The following PSMF1 variants were observed in gnomAD, a reference collection of about 807,000 sequenced individuals.
PSMF1 encodes proteasome inhibitor subunit 1.
A neutral mutation model predicts 29.3 loss-of-function variants in PSMF1; 30 were observed. The observed-to-expected ratio is 1.02, with a 90% CI of 0.77 to 1.39. PSMF1 has a LOEUF of 1.39. Ranked by LOEUF, PSMF1 falls within the 40% of genes most tolerant of loss-of-function variation. PSMF1 has a pLI of 0.00. For synonymous variants in PSMF1, 134 were observed against 139.7 expected (o/e 0.96, Z 0.29); for missense variants, 344 against 357.5 (o/e 0.96, Z 0.31).
chr20:1,143,804 A>G (rs2086413767), intron 4 of PSMF1, among the ~76,000 whole-genome samples: 1 of 152,130 alleles, frequency 6.6e-6, no homozygotes, highest in Non-Finnish European at 1.5e-5. Flanking sequence ...AAATGGAAAA[A>G]TGAAGGCCAG....
In PSMF1 at chr20:1,165,950, G is replaced by A. The variant is rs1289747359; in HGVS notation, c.*870G>A. The A allele has an allele frequency of 1.5e-6, 2 of 1,361,418 alleles. No homozygotes were observed. Among genetic ancestry groups the A allele is most frequent in the Non-Finnish European group, 1.9e-6 (2 of 1,054,140 alleles). The allele number at this position is 1,361,418 out of a possible 1,614,324, so 84.3% of individuals were successfully genotyped here. ...GTGCCAAGCCTATGAAATTGGAGGT[G>A]GCTTTCCTGCTCTAAAGCATTTTGA... On this transcript the variant is annotated 3_prime_UTR_variant, in exon 7 of 7. Transcript: ENST00000335877.
chr20:1,142,419 C>T (rs1048023895), intron 4 of PSMF1, among the ~76,000 whole-genome samples: 6 of 150,782 alleles, frequency 4.0e-5, no homozygotes, highest in Non-Finnish European at 7.4e-5. Context: ...ATCCCTCCCT[C>T]CTCCCCCCAC....
chr20:1,122,815 C>T (rs1354649163), intron 1 of PSMF1, among the ~76,000 whole-genome samples: 1 of 152,230 alleles, frequency 6.6e-6, no homozygotes, highest in Non-Finnish European at 1.5e-5. Context: ...CACCTGACTT[C>T]AGGGATTTTC....
chr20:1,163,295 G>A lies in PSMF1; in HGVS notation c.605+112G>A. ...GTCAGTCTCTTCCTTTGGGGTGGAG[G>A]AGGCAGTTGTTGCTGAGCAGCTGAG... On this transcript the variant is annotated intron_variant, in intron 5 of 6. Transcript: ENST00000335877. The surrounding 1 kb of genome is among the most constrained non-coding windows in gnomAD (Gnocchi z 6.1). The A allele has an allele frequency of 1.6e-6, 2 of 1,244,178 alleles. No homozygotes were observed. The highest frequency in any genetic ancestry group is 4.0e-5 in the Admixed American group (2 of 49,824). 77.1% of individuals were successfully genotyped at this position (1,244,178 alleles called of 1,614,324 possible). A position where few individuals can be genotyped will look rare whatever the true frequency, so the allele number is the denominator to read the frequency against.
intron 3 of PSMF1, among the ~76,000 whole-genome samples, chr20:1,133,555 G>GTGTA (rs60728448): frequency 1.9e-5 from 1 of 53,986 alleles, no homozygotes; most frequent in African/African-American, 6.4e-5. Context: ...CTATATATGT[G>GTGTA]TATATATATA....
At chr20:1,123,174 T>C (rs1451319817) in intron 1 of PSMF1, among the ~76,000 whole-genome samples, 2 of 152,228 alleles carry the variant, frequency 1.3e-5, no homozygotes, top group Non-Finnish European at 1.5e-5. Context: ...TTTTAAACCA[T>C]GACAGTTGCG....
rs2122619069 is a variant in PSMF1, at chr20:1,164,769, T to C, written c.765-260T>C. ...TGTGGCAGAAACTCAGTGGATCCTT[T>C]CTTCAGCAGTCTTGGGTAGATGGTG... On this transcript the variant is annotated intron_variant, in intron 6 of 6. Transcript: ENST00000335877. This position sits in a 1 kb window ranked among gnomAD's most constrained non-coding sequence, Gnocchi z 4.1. 6.6e-6 allele frequency among the ~76,000 whole-genome samples: 1 copy of C among 152,314 alleles called. No homozygotes were observed. The highest frequency in any genetic ancestry group is 2.1e-4 in the South Asian group (1 of 4,822).
chr20:1,118,661 G>T lies in PSMF1; in HGVS notation c.-113G>T, dbSNP rs982989761. ...CATTTTGGTCTCAGGTGTGGACTCGGCAAGAACCAGCGCAAGAGGGAAGCA... is the reference window on the plus strand; with the variant it reads ...CATTTTGGTCTCAGGTGTGGACTCGTCAAGAACCAGCGCAAGAGGGAAGCA... On this transcript the variant is annotated 5_prime_UTR_variant, in exon 1 of 7. Coordinates refer to ENST00000335877, the MANE Select transcript of PSMF1 (RefSeq NM_006814.5). The T allele has an allele frequency of 4.5e-6, 6 of 1,336,462 alleles. No individual in the cohort carries two copies. The African/African-American group carries it at 5.9e-5, about 13-fold the overall frequency. 82.8% of individuals were successfully genotyped at this position (1,336,462 alleles called of 1,614,324 possible). A position where few individuals can be genotyped will look rare whatever the true frequency, so the allele number is the denominator to read the frequency against.
Position 1,125,512 on chromosome 20 carries a change from TAAG to T in PSMF1, c.148_150del (p.Lys50del). 6.2e-7 allele frequency: 1 copy of T among 1,609,988 alleles called. No homozygotes were observed. Among genetic ancestry groups the T allele is most frequent in the Non-Finnish European group, 8.5e-7 (1 of 1,178,156 alleles). On this transcript the variant is annotated inframe_deletion, in exon 2 of 7. Coordinates refer to ENST00000335877, the MANE Select transcript of PSMF1 (RefSeq NM_006814.5). ...GGTCTTCCCAGCCGGGTCCCAATGA[TAAG>T]AAGTCAGAACTGCTGCCAGCTGGGT...
At chr20:1,162,502 G>T (rs1469532459) in intron 4 of PSMF1, among the ~76,000 whole-genome samples, 1 of 152,126 alleles carries the variant, frequency 6.6e-6, no homozygotes, top group Non-Finnish European at 1.5e-5. Context: ...TCTCCAGAAA[G>T]CATGCAGTCA....
Position 1,168,997 on chromosome 20 carries a change from G to T in PSMF1, c.*3917G>T, listed in dbSNP as rs927279174. Among the ~76,000 whole-genome samples the T allele has an allele frequency of 1.8e-4, 27 of 152,162 alleles. No individual in the cohort carries two copies. The highest frequency in any genetic ancestry group is 5.6e-4 in the African/African-American group (23 of 41,438). Reference sequence around the variant, plus strand: ...GTCCCCAGCCCTTTATTGCCCTTGGGATACCACAAGGCACAGATACAGGCA... The same window carrying T: ...GTCCCCAGCCCTTTATTGCCCTTGGTATACCACAAGGCACAGATACAGGCA... On this transcript the variant is annotated 3_prime_UTR_variant, in exon 7 of 7. Coordinates refer to ENST00000335877, the MANE Select transcript of PSMF1 (RefSeq NM_006814.5).
chr20:1,126,057 C>G, intron 2 of PSMF1: 1 of 424,236 alleles, frequency 2.4e-6, no homozygotes. Context: ...ACTCACACAG[C>G]CCTTCACCAT....
chr20:1,139,250 C>G (rs2122525251), intron 4 of PSMF1, among the ~76,000 whole-genome samples: 1 of 152,240 alleles, frequency 6.6e-6, no homozygotes, highest in Non-Finnish European at 1.5e-5. Flanking sequence ...AGAGCATCTA[C>G]AAAAAGCTCA....
chr20:1,140,892 C>T (rs564275744), intron 4 of PSMF1, among the ~76,000 whole-genome samples: 1 of 152,098 alleles, frequency 6.6e-6, no homozygotes, highest in Non-Finnish European at 1.5e-5. Context: ...GAAATCCAAA[C>T]CAAGAAATAG....
At chr20:1,153,561 G>A (rs777286493) in intron 4 of PSMF1, among the ~76,000 whole-genome samples, 12 of 151,714 alleles carry the variant, frequency 7.9e-5, no homozygotes, top group Non-Finnish European at 1.3e-4. Flanking sequence ...GCCATACAAC[G>A]AAACAATAAT....
At position 1,166,147 on chromosome 20, in the gene PSMF1, T is replaced by C; in HGVS notation, c.*1067T>C. 1 of 1,581,346 alleles carries C rather than the reference T, an allele frequency of 6.3e-7. No homozygotes were observed. Among genetic ancestry groups the C allele is most frequent in the Non-Finnish European group, 8.6e-7 (1 of 1,163,970 alleles). The stretch of plus-strand genomic sequence containing the variant: ...CATGGGCTGCCTCTGAGTGTGGTGT[T>C]GAACTTCGGGAGGAGCAGGGAGCCC... On this transcript the variant is annotated 3_prime_UTR_variant, in exon 7 of 7. Coordinates refer to ENST00000335877, the MANE Select transcript of PSMF1 (RefSeq NM_006814.5).
chr20:1,154,138 G>C (rs150306720), intron 4 of PSMF1, among the ~76,000 whole-genome samples: 5 of 152,314 alleles, frequency 3.3e-5, no homozygotes, highest in Non-Finnish European at 7.4e-5. Context: ...GATCCAAAAT[G>C]ATATAGTATT....
intron 3 of PSMF1, among the ~76,000 whole-genome samples, chr20:1,133,240 A>G (rs1319396692): frequency 6.6e-6 from 1 of 151,134 alleles, no homozygotes; most frequent in Admixed American, 6.6e-5. Context: ...GTTCTTTATC[A>G]GGTTAAAGAA....
At chr20:1,125,829 A>C in intron 2 of PSMF1, 179 bp downstream of exon 2, 5 of 813,922 alleles carry the variant, frequency 6.1e-6, no homozygotes, top group Non-Finnish European at 6.2e-6. Context: ...TTCGTGCACA[A>C]AGGTATCCAC....
Sources: gnomAD v4.1 joint callset for allele counts (sites outside exome capture counted in the v4.1 genomes callset) on GRCh38, gnomAD v4.1.1 for gene constraint, Gnocchi (gnomAD v3.1) non-coding constraint, MANE v1.5 for transcripts, NCBI Gene and HGNC (gene_info 2026-07-23, HGNC 2026-07-21) for gene names.